The following RPS6KA2 variants were observed in gnomAD, a reference collection of about 807,000 sequenced individuals.
The protein encoded by RPS6KA2 is ribosomal protein S6 kinase A2, also known as ribosomal protein S6 kinase alpha-2.
In RPS6KA2, 42 loss-of-function variants were observed where a neutral mutation model predicts 91.8. The ratio of observed to expected loss-of-function variants is 0.46; its 90% confidence interval spans 0.36 to 0.59. RPS6KA2 has a LOEUF of 0.59. Among genes scored for constraint, RPS6KA2 ranks in the 20% least tolerant of loss-of-function variants. The pLI, the probability that RPS6KA2 is intolerant of heterozygous loss-of-function variation, is 0.00. For synonymous variants in RPS6KA2, 414 were observed against 393.6 expected, an observed-to-expected ratio of 1.05 and a Z score of -0.61; for missense variants, 798 against 978.5, an observed-to-expected ratio of 0.82 and a Z score of 2.46.
intron 2 of RPS6KA2, among the ~76,000 whole-genome samples, chr6:166,650,748 T>C (rs918420423): frequency 7.2e-5 from 11 of 152,294 alleles, no homozygotes; most frequent in Admixed American, 7.2e-4. Context: ...TCTCTCTCTG[T>C]CTCCAGTCCT....
intron 2 of RPS6KA2, among the ~76,000 whole-genome samples, chr6:166,782,325 T>C (rs1778793017): frequency 6.6e-6 from 1 of 152,156 alleles, no homozygotes; most frequent in South Asian, 2.1e-4. Context: ...TCTCTAGACG[T>C]TGCCAAATGA....
In RPS6KA2 at chr6:166,770,733, C is replaced by G. The variant is rs1214861348; in HGVS notation, c.123+87467G>C. On this transcript the variant is annotated intron_variant, in intron 2 of 21. Coordinates refer to the RPS6KA2 transcript ENST00000503859. This position sits in a 1 kb window ranked among gnomAD's most constrained non-coding sequence, Gnocchi z 5.1. ...TCCAGCCTTCTAAAAGCTCTTCGCA[C>G]CTTGCCTTGCTGGACTCCGGGCACC... 1.2e-6 allele frequency: 1 copy of G among 861,972 alleles called. No individual in the cohort carries two copies. Among genetic ancestry groups the G allele is most frequent in the African/African-American group, 1.7e-5 (1 of 59,230 alleles). The allele number at this position is 861,972 out of a possible 1,614,324, so 53.4% of individuals were successfully genotyped here.
At chr6:166,790,943 A>C (rs918932571) in intron 2 of RPS6KA2, among the ~76,000 whole-genome samples, 5 of 152,254 alleles carry the variant, frequency 3.3e-5, no homozygotes, top group Non-Finnish European at 7.3e-5. Flanking sequence ...GGCTAGGAAG[A>C]AACTACATCA....
chr6:166,664,976 G>A (rs900247931), intron 2 of RPS6KA2, among the ~76,000 whole-genome samples: 7 of 152,106 alleles, frequency 4.6e-5, no homozygotes, highest in East Asian at 1.9e-4. Flanking sequence ...CAGGTGTGGC[G>A]GCTCACACCT....
intron 2 of RPS6KA2, among the ~76,000 whole-genome samples, chr6:166,797,964 A>T (rs549180425): frequency 6.6e-6 from 1 of 152,308 alleles, no homozygotes; most frequent in South Asian, 2.1e-4. Context: ...CAAGAGTGAA[A>T]AAAACCTTGA....
intron 2 of RPS6KA2, among the ~76,000 whole-genome samples, chr6:166,812,339 G>C (rs933390198): frequency 6.6e-6 from 1 of 152,212 alleles, no homozygotes; most frequent in African/African-American, 2.4e-5. Context: ...CTGGGCGACA[G>C]AGTGAGACTC....
intron 2 of RPS6KA2, among the ~76,000 whole-genome samples, chr6:166,824,142 T>C (rs541625781): frequency 6.6e-6 from 1 of 152,302 alleles, no homozygotes; most frequent in East Asian, 1.9e-4. Flanking sequence ...TGTGTATACA[T>C]GTACACACAT....
chr6:166,816,609 C>T (rs1309150), intron 2 of RPS6KA2, among the ~76,000 whole-genome samples: 111,178 of 151,708 alleles, frequency 0.73, 41,013 homozygotes, highest in East Asian at 0.92. Context: ...ATGTTAGTAA[C>T]GCCTTCCCCA....
chr6:166,721,553 T>C (rs1562400906), intron 2 of RPS6KA2, among the ~76,000 whole-genome samples: 2 of 152,350 alleles, frequency 1.3e-5, no homozygotes, highest in East Asian at 1.9e-4. Flanking sequence ...CTTTCTAGTT[T>C]CACGAACAAA....
chr6:166,627,035 C>T lies in RPS6KA2; in HGVS notation c.-16G>A. On this transcript the variant is annotated 5_prime_UTR_variant, in exon 1 of 21. Coordinates refer to ENST00000265678, the MANE Select transcript of RPS6KA2 (RefSeq NM_021135.6). ...TCAGGTCCATCGCCCCGCGCCCAGCCCGGAGCAGCCGCAGGGCCGGGGGAC... is the reference window on the plus strand; with the variant it reads ...TCAGGTCCATCGCCCCGCGCCCAGCTCGGAGCAGCCGCAGGGCCGGGGGAC... 7 of 1,433,678 alleles carry T rather than the reference C, an allele frequency of 4.9e-6. No homozygotes were observed. Among genetic ancestry groups the T allele is most frequent in the Non-Finnish European group, 6.5e-6 (7 of 1,080,024 alleles). 88.8% of individuals were successfully genotyped at this position (1,433,678 alleles called of 1,614,324 possible). A position where few individuals can be genotyped will look rare whatever the true frequency, so the allele number is the denominator to read the frequency against.
Position 166,508,247 on chromosome 6 carries a change from C to T in RPS6KA2, c.415G>A (p.Asp139Asn). Reference sequence around the variant, plus strand: ...AAGAGGTCCCCTCCCCGCAGGAAGTCCAGGATCAGGTAGAGCTTTCCTTCC... The same window carrying T: ...AAGAGGTCCCCTCCCCGCAGGAAGTTCAGGATCAGGTAGAGCTTTCCTTCC... The part of the protein sequence containing the change: ...QTEGKLYLIL[D>N]FLRGGDLFTR... Residue 139 changes from aspartate to asparagine, a missense_variant, in exon 5 of 21, where the codon GAC (aspartate) becomes AAC (asparagine). Coordinates refer to ENST00000265678, the MANE Select transcript of RPS6KA2 (RefSeq NM_021135.6). The surrounding 1 kb of genome is among the most constrained non-coding windows in gnomAD (Gnocchi z 4.3). The T allele has an allele frequency of 6.2e-7, 1 of 1,613,670 alleles. No homozygotes were observed. Among genetic ancestry groups the T allele is most frequent in the Non-Finnish European group, 8.5e-7 (1 of 1,179,606 alleles).
rs80156566 is a variant in RPS6KA2 at position 166,830,547 on chromosome 6, C to T, written c.123+27653G>A. 7.0e-3 allele frequency among the ~76,000 whole-genome samples: 1,067 copies of T among 152,238 alleles called. 5 individuals carry two copies. Among genetic ancestry groups the T allele is most frequent in the Non-Finnish European group, 0.011 (724 of 68,020 alleles). On this transcript the variant is annotated intron_variant, in intron 2 of 21. Transcript: ENST00000503859. ...TAATTTCTTTTTAAAAAAAGCTCAT[C>T]GCTGATACAAAGTATAAAACATCTC...
intron 2 of RPS6KA2, among the ~76,000 whole-genome samples, chr6:166,772,151 G>T (rs1451520884): frequency 6.9e-6 from 1 of 144,648 alleles, no homozygotes; most frequent in East Asian, 1.9e-4. Context: ...AGCCTATGTG[G>T]GGTTTCTACC....
At chr6:166,452,894 G>A (rs530560712) in intron 12 of RPS6KA2, among the ~76,000 whole-genome samples, 24 of 152,238 alleles carry the variant, frequency 1.6e-4, no homozygotes, top group South Asian at 1.2e-3. Context: ...TGGGTCTAGC[G>A]AAAGACTTCG....
chr6:166,552,580 C>T (rs1423741808), intron 1 of RPS6KA2, among the ~76,000 whole-genome samples: 3 of 152,158 alleles, frequency 2.0e-5, no homozygotes, highest in African/African-American at 7.2e-5. Context: ...AATGCCTTGG[C>T]CACATCCCCC....
intron 10 of RPS6KA2, among the ~76,000 whole-genome samples, chr6:166,475,314 C>G (rs1780929403): frequency 6.6e-6 from 1 of 152,202 alleles, no homozygotes; most frequent in African/African-American, 2.4e-5. Context: ...CCACGCTCAC[C>G]ACACCCACTG....
chr6:166,604,055 G>A (rs924224221), intron 1 of RPS6KA2, among the ~76,000 whole-genome samples: 1 of 152,176 alleles, frequency 6.6e-6, no homozygotes, highest in East Asian at 1.9e-4. Flanking sequence ...ATAAAATTAA[G>A]AAGAGTTCCA....
At chr6:166,503,853 T>C (rs1286224019) in intron 6 of RPS6KA2, among the ~76,000 whole-genome samples, 1 of 152,182 alleles carries the variant, frequency 6.6e-6, no homozygotes, top group Non-Finnish European at 1.5e-5. Flanking sequence ...CAAAATATCG[T>C]AGAAATAATA....
At chr6:166,450,274 G>A (rs1220662434) in intron 13 of RPS6KA2, among the ~76,000 whole-genome samples, 5 of 148,784 alleles carry the variant, frequency 3.4e-5, no homozygotes, top group African/African-American at 7.5e-5. Flanking sequence ...AGACCATCAC[G>A]GGTACCACCA....
Sources: allele counts gnomAD v4.1 joint callset (sites outside exome capture counted in the v4.1 genomes callset), GRCh38; gene constraint gnomAD v4.1.1; non-coding constraint Gnocchi (gnomAD v3.1); transcripts MANE v1.5; gene names NCBI Gene and HGNC (gene_info 2026-07-23, HGNC 2026-07-21).